The following RBFOX1 variants were observed in gnomAD, a reference collection of about 807,000 sequenced individuals.
The protein encoded by RBFOX1 is RNA binding fox-1 homolog 1.
A neutral mutation model predicts 57.7 loss-of-function variants in RBFOX1; 8 were observed. The ratio of observed to expected loss-of-function variants is 0.14; its 90% CI spans 0.08 to 0.25. The LOEUF (loss-of-function observed/expected upper bound fraction) is 0.25. Ranked by LOEUF, RBFOX1 falls within the 10% of genes least tolerant of loss-of-function variation. The pLI is 1.00. For synonymous variants in RBFOX1, 326 were observed against 222.4 expected (o/e 1.47, Z -4.15); for missense variants, 611 against 548.5 (o/e 1.11, Z -1.14).
At chr16:5,716,284 G>C (rs2051695265) in intron 3 of RBFOX1, among the ~76,000 whole-genome samples, 1 of 152,094 alleles carries the variant, frequency 6.6e-6, no homozygotes, top group African/African-American at 2.4e-5. Flanking sequence ...TAAGTTCAGG[G>C]GTGCAAGTAC....
intron 2 of RBFOX1, among the ~76,000 whole-genome samples, chr16:6,451,159 G>A (rs529069098): frequency 4.7e-4 from 72 of 151,696 alleles, no homozygotes; most frequent in African/African-American, 1.7e-3. Flanking sequence ...GTGCATGCTT[G>A]TAAATTTTGC....
At chr16:7,650,003 G>GAGGAGGGA (rs61063366) in intron 11 of RBFOX1, among the ~76,000 whole-genome samples, 1 of 149,450 alleles carries the variant, frequency 6.7e-6, no homozygotes, top group Non-Finnish European at 1.5e-5. Context: ...AAAGGAAAAG[G>GAGGAGGGA]AGGAGGGAAG....
intron 4 of RBFOX1, among the ~76,000 whole-genome samples, chr16:7,171,289 G>C (rs1033449800): frequency 4.6e-5 from 7 of 152,178 alleles, no homozygotes; most frequent in South Asian, 4.1e-4. Flanking sequence ...TCATCCCTAT[G>C]ATGAGGACTG....
In RBFOX1 at chr16:7,692,886, C is replaced by CT. The variant is rs1397772141; in HGVS notation, c.995+16050dup. The stretch of plus-strand genomic sequence containing the variant: ...GTCTTCTGAAATGACAGCACTTTTT[C>CT]TTATTTTTTTTTGATATTATAAGTC... On this transcript the variant is annotated intron_variant, in intron 14 of 15. Coordinates refer to ENST00000550418, the MANE Select transcript of RBFOX1 (RefSeq NM_018723.4). 2.4e-4 allele frequency among the ~76,000 whole-genome samples: 28 copies of CT among 117,308 alleles called. No homozygotes were observed. In the South Asian group the frequency reaches 7.8e-3, roughly 33 times the overall value. 77.0% of individuals were successfully genotyped at this position (117,308 alleles called of 152,430 possible). A position where few individuals can be genotyped will look rare whatever the true frequency, so the allele number is the denominator to read the frequency against.
intron 5 of RBFOX1, among the ~76,000 whole-genome samples, chr16:7,543,592 A>G (rs2083538960): frequency 6.6e-6 from 1 of 152,054 alleles, no homozygotes; most frequent in Admixed American, 6.6e-5. Flanking sequence ...TAGGCATATT[A>G]AAATTGAGAA....
chr16:7,538,085 G>A (rs912197648), intron 5 of RBFOX1, among the ~76,000 whole-genome samples: 1 of 152,168 alleles, frequency 6.6e-6, no homozygotes, highest in African/African-American at 2.4e-5. Flanking sequence ...TCAGCTCTGG[G>A]TTAGACCTTG....
At chr16:5,594,391 A>G (rs1185165581) in intron 2 of RBFOX1, among the ~76,000 whole-genome samples, 8 of 152,182 alleles carry the variant, frequency 5.3e-5, no homozygotes, top group African/African-American at 1.9e-4. Flanking sequence ...TTATTTTTCC[A>G]GGGTTGAGGA....
intron 2 of RBFOX1, among the ~76,000 whole-genome samples, chr16:6,547,731 A>G (rs1243543457): frequency 6.6e-6 from 1 of 152,042 alleles, no homozygotes; most frequent in Non-Finnish European, 1.5e-5. Context: ...CTACTCTGGG[A>G]TACATTTCGT....
intron 3 of RBFOX1, among the ~76,000 whole-genome samples, chr16:5,863,978 T>G (rs2057286410): frequency 6.6e-6 from 1 of 152,122 alleles, no homozygotes; most frequent in Admixed American, 6.5e-5. Flanking sequence ...GTCATGAGGG[T>G]TTGTTGTACA....
At chr16:5,527,114 C>T (rs1230939991) in intron 2 of RBFOX1, among the ~76,000 whole-genome samples, 4 of 152,084 alleles carry the variant, frequency 2.6e-5, no homozygotes, top group South Asian at 2.1e-4. Context: ...AATTAGGTGG[C>T]GACATATTGG....
At chr16:6,398,095 G>A (rs552563576) in intron 2 of RBFOX1, among the ~76,000 whole-genome samples, 7 of 152,202 alleles carry the variant, frequency 4.6e-5, no homozygotes, top group Middle Eastern at 3.4e-3. Flanking sequence ...CCTTCTTCAC[G>A]TGGTAGCAGG....
intron 10 of RBFOX1, among the ~76,000 whole-genome samples, chr16:7,627,801 A>C (rs1039082955): frequency 6.6e-6 from 1 of 152,258 alleles, no homozygotes; most frequent in African/African-American, 2.4e-5. Context: ...CTAAGGGAAC[A>C]TACAGTAAGT....
chr16:6,194,759 A>T (rs1020582354), intron 1 of RBFOX1, among the ~76,000 whole-genome samples: 1 of 152,142 alleles, frequency 6.6e-6, no homozygotes, highest in Non-Finnish European at 1.5e-5. Context: ...GCATAATTGT[A>T]AATACTGTTT....
At chr16:6,617,876 A>C (rs937200797) in intron 2 of RBFOX1, among the ~76,000 whole-genome samples, 1 of 152,184 alleles carries the variant, frequency 6.6e-6, no homozygotes, top group African/African-American at 2.4e-5. Context: ...GGAAAGTACC[A>C]TGGAGGTCTA....
chr16:6,575,028 A>T (rs979823388), intron 2 of RBFOX1, among the ~76,000 whole-genome samples: 11 of 116,062 alleles, frequency 9.5e-5, no homozygotes, highest in African/African-American at 3.4e-4. Flanking sequence ...ACAGAGCGAG[A>T]CTCCGTCTCA....
intron 3 of RBFOX1, among the ~76,000 whole-genome samples, chr16:6,768,312 A>G (rs1371351549): frequency 6.6e-6 from 1 of 151,684 alleles, no homozygotes; most frequent in Non-Finnish European, 1.5e-5. Flanking sequence ...TTATATGACA[A>G]TAAAGAGTCT....
At chr16:5,548,167 AAAAAAAAATATATAT>A (rs1213911865) in intron 2 of RBFOX1, among the ~76,000 whole-genome samples, 1 of 62,436 alleles carries the variant, frequency 1.6e-5, no homozygotes, top group Non-Finnish European at 3.1e-5. Flanking sequence ...TTAAAAAAAA[AAAAAAAAATATATAT>A]ATATATATAT....
At chr16:6,522,263 G>T (rs2096516436) in intron 2 of RBFOX1, among the ~76,000 whole-genome samples, 1 of 151,708 alleles carries the variant, frequency 6.6e-6, no homozygotes, top group Non-Finnish European at 1.5e-5. Context: ...CCCCAGTGAA[G>T]AGATCATAAA....
chr16:7,539,561 T>C (rs2082360605), intron 5 of RBFOX1, among the ~76,000 whole-genome samples: 1 of 152,154 alleles, frequency 6.6e-6, no homozygotes, highest in Admixed American at 6.5e-5. Flanking sequence ...CCCAATGGGA[T>C]CACCCAAAGT....
Sources: gnomAD v4.1 joint callset for allele counts (sites outside exome capture counted in the v4.1 genomes callset) on GRCh38, gnomAD v4.1.1 for gene constraint, MANE v1.5 for transcripts, NCBI Gene and HGNC (gene_info 2026-07-23, HGNC 2026-07-21) for gene names.